The following DOCK2 variants were observed in gnomAD, a reference collection of about 807,000 sequenced individuals.
DOCK2 encodes dedicator of cytokinesis 2.
A neutral mutation model predicts 248.9 loss-of-function variants in DOCK2; 87 were observed. The ratio of observed to expected loss-of-function variants is 0.35; its 90% CI spans 0.29 to 0.42. DOCK2 has a LOEUF of 0.42. DOCK2 is among the 10% of genes least tolerant of loss of function. The probability of loss-of-function intolerance (pLI) is 1.00; values close to 1 mark genes in which losing one functional copy is unlikely to be tolerated. For synonymous variants in DOCK2, 805 were observed against 821.6 expected, an observed-to-expected ratio of 0.98 and a Z score of 0.35; for missense variants, 1,747 against 2,300.2, an observed-to-expected ratio of 0.76 and a Z score of 4.92.
At chr5:170,032,741 G>A (rs1237407626) in intron 34 of DOCK2, among the ~76,000 whole-genome samples, 1 of 152,180 alleles carries the variant, frequency 6.6e-6, no homozygotes, top group Non-Finnish European at 1.5e-5. Flanking sequence ...AGTGAAGATG[G>A]ATTTGTCTTA....
intron 25 of DOCK2, among the ~76,000 whole-genome samples, chr5:169,777,488 C>T (rs1765452708): frequency 6.6e-6 from 1 of 152,140 alleles, no homozygotes; most frequent in Non-Finnish European, 1.5e-5. Context: ...GAGAGGGGAG[C>T]CAATTATCCA....
chr5:169,881,681 G>T (rs903872381), intron 27 of DOCK2, among the ~76,000 whole-genome samples: 1 of 152,192 alleles, frequency 6.6e-6, no homozygotes, highest in Non-Finnish European at 1.5e-5. Flanking sequence ...CAACAATCCT[G>T]TTGTGAGATG....
In DOCK2 at chr5:169,971,028, G is replaced by A. The variant is rs1777485024; in HGVS notation, c.2800-12040G>A. Among the ~76,000 whole-genome samples, 4 of 152,172 alleles carry A rather than the reference G, an allele frequency of 2.6e-5. No homozygotes were observed. In the South Asian group the frequency reaches 8.3e-4, roughly 32 times the overall value. On this transcript the variant is annotated intron_variant, in intron 27 of 51. Transcript: ENST00000520908. ...GGACCTGCGTTCATGCCAAGCTGCT[G>A]TGTCACCTTTATTAATGATGACGGG...
intron 26 of DOCK2, among the ~76,000 whole-genome samples, chr5:169,804,497 T>C (rs2033205): frequency 0.23 from 7,400 of 31,770 alleles, 227 homozygotes; most frequent in East Asian, 0.38. Flanking sequence ...CGCGCGCGCG[T>C]GCGCGTAAGC....
chr5:169,660,033 T>G (rs112750372), intron 2 of DOCK2, among the ~76,000 whole-genome samples: 2,276 of 152,290 alleles, frequency 0.015, 33 homozygotes, highest in Non-Finnish European at 0.023. Context: ...CAGTTCTTTG[T>G]CTTCTCTACT....
At chr5:169,695,576 A>G (rs1048146872) in intron 9 of DOCK2, among the ~76,000 whole-genome samples, 2 of 152,200 alleles carry the variant, frequency 1.3e-5, no homozygotes, top group Admixed American at 6.5e-5. Context: ...TTGGGATTAA[A>G]CACTAGAGTT....
chr5:169,853,523 C>T (rs1318069627), intron 27 of DOCK2, among the ~76,000 whole-genome samples: 2 of 152,160 alleles, frequency 1.3e-5, no homozygotes, highest in Admixed American at 6.5e-5. Flanking sequence ...TTTTTAACAA[C>T]ACAAGACTAT....
intron 23 of DOCK2, among the ~76,000 whole-genome samples, chr5:169,759,396 GT>G (rs1187744868): frequency 6.6e-6 from 1 of 152,226 alleles, no homozygotes; most frequent in Non-Finnish European, 1.5e-5. Flanking sequence ...GAGGTTAAGT[GT>G]TTTGTCCAAA....
At chr5:169,716,907 T>C (rs1399888196) in intron 20 of DOCK2, among the ~76,000 whole-genome samples, 2 of 152,336 alleles carry the variant, frequency 1.3e-5, no homozygotes, top group African/African-American at 4.8e-5. Flanking sequence ...CCTTGTGTCA[T>C]GGATATTTGC....
At chr5:169,935,601 G>A (rs191792037) in intron 27 of DOCK2, among the ~76,000 whole-genome samples, 24 of 152,270 alleles carry the variant, frequency 1.6e-4, no homozygotes, top group Admixed American at 1.5e-3. Context: ...GTTTTATCAC[G>A]TCCTACCTAC....
At chr5:170,024,607 C>T (rs1429009810) in intron 33 of DOCK2, among the ~76,000 whole-genome samples, 1 of 152,136 alleles carries the variant, frequency 6.6e-6, no homozygotes, top group African/African-American at 2.4e-5. Flanking sequence ...TAATTTGTTA[C>T]AGTACCACTA....
At chr5:169,925,260 C>A (rs1276339188) in intron 27 of DOCK2, among the ~76,000 whole-genome samples, 1 of 152,164 alleles carries the variant, frequency 6.6e-6, no homozygotes, top group Non-Finnish European at 1.5e-5. Flanking sequence ...AGAAGTCAAA[C>A]CTGCCTTGAG....
At chr5:169,958,844 G>T (rs1776966926) in intron 27 of DOCK2, among the ~76,000 whole-genome samples, 1 of 152,032 alleles carries the variant, frequency 6.6e-6, no homozygotes, top group African/African-American at 2.4e-5. Flanking sequence ...ATGCTTCTCT[G>T]TTTTGCCAAA....
intron 27 of DOCK2, among the ~76,000 whole-genome samples, chr5:169,974,815 G>A (rs1282461286): frequency 6.6e-6 from 1 of 151,952 alleles, no homozygotes; most frequent in Non-Finnish European, 1.5e-5. Flanking sequence ...TGTTCTTTTT[G>A]CAATCATATT....
At chr5:169,667,715 C>T (rs1459784892) in intron 2 of DOCK2, among the ~76,000 whole-genome samples, 1 of 152,118 alleles carries the variant, frequency 6.6e-6, no homozygotes, top group Non-Finnish European at 1.5e-5. Context: ...ATAGTACCTA[C>T]TTAATAGGAT....
Position 170,067,591 on chromosome 5 carries a change from C to G in DOCK2, c.4549C>G (p.Gln1517Glu). The change falls in exon 45 of 52, where the codon CAG becomes GAG. Residue 1517 changes from glutamine to glutamate, a missense_variant. Gln to Glu is a conservative substitution (Grantham distance 29, BLOSUM62 2). Around this residue, in one of 4 missense-constraint regions of DOCK2, gnomAD observed 513 missense variants for 586.1 expected, o/e 0.88. Coordinates refer to ENST00000520908, the MANE Select transcript of DOCK2 (RefSeq NM_004946.3). ...GATCCTGATGATGATAAACCAGTAC[C>G]AGAGTGATGAGACCCTCCCCATCAA... ...EKILMMINQY[Q>E]SDETLPINPL... 4 of 1,614,152 alleles carry G rather than the reference C, an allele frequency of 2.5e-6. No individual in the cohort carries two copies. Among genetic ancestry groups the G allele is most frequent in the Non-Finnish European group, 3.4e-6 (4 of 1,180,008 alleles).
chr5:169,890,166 C>A (rs975135483), intron 27 of DOCK2, among the ~76,000 whole-genome samples: 6 of 152,148 alleles, frequency 3.9e-5, no homozygotes, highest in Non-Finnish European at 7.4e-5. Flanking sequence ...GTGGAGACCC[C>A]GACTCTTCCT....
At chr5:170,023,373 T>C (rs762722159) in intron 33 of DOCK2, among the ~76,000 whole-genome samples, 24 of 152,312 alleles carry the variant, frequency 1.6e-4, no homozygotes, top group Non-Finnish European at 2.6e-4. Context: ...AAGCTGGTGA[T>C]TTAAATTGTT....
At chr5:169,865,976 G>C (rs1050080513) in intron 27 of DOCK2, among the ~76,000 whole-genome samples, 1 of 152,226 alleles carries the variant, frequency 6.6e-6, no homozygotes, top group Non-Finnish European at 1.5e-5. Context: ...GAGCCCCAAA[G>C]AGTGCCTCGT....
Sources: allele counts gnomAD v4.1 joint callset (sites outside exome capture counted in the v4.1 genomes callset), GRCh38; gene constraint gnomAD v4.1.1; regional missense constraint gnomAD v4.1.1; transcripts MANE v1.5; gene names NCBI Gene and HGNC (gene_info 2026-07-23, HGNC 2026-07-21).